Variants in SDK2 observed in about 807,000 individuals in gnomAD.
The protein encoded by SDK2 is protein sidekick-2.
Under a neutral mutation model 253.9 loss-of-function variants are expected in SDK2, and 105 were observed. That is an observed-to-expected ratio of 0.41 (90% CI 0.35 to 0.49). The LOEUF (loss-of-function observed/expected upper bound fraction) is 0.49, where lower values mean the gene tolerates loss of function less well. Among genes scored for constraint, SDK2 ranks in the 20% least tolerant of loss-of-function variants. SDK2 has a pLI of 0.06. For synonymous variants in SDK2, 1,249 were observed against 1,234.9 expected, an observed-to-expected ratio of 1.01 and a Z score of -0.24; for missense variants, 2,608 against 3,003.0, an observed-to-expected ratio of 0.87 and a Z score of 3.07.
At chr17:73,385,761 A>G in intron 32 of SDK2, 86 bp downstream of exon 32, 5 of 1,277,634 alleles carry the variant, frequency 3.9e-6, no homozygotes, top group Non-Finnish European at 5.6e-6. Flanking sequence ...GGCTCCACGC[A>G]GCCCTGGTGG....
At position 73,352,956 on chromosome 17, in the gene SDK2, G is replaced by A. The variant is rs376088232; in HGVS notation, c.5594-319C>T. Among the ~76,000 whole-genome samples, 52 of 152,272 alleles carry A rather than the reference G, an allele frequency of 3.4e-4. 1 individual carries two copies. The South Asian group carries it at 0.01, about 30-fold the overall frequency. On this transcript the variant is annotated intron_variant, in intron 40 of 44. Transcript: ENST00000392650. This position sits in a 1 kb window ranked among gnomAD's most constrained non-coding sequence, Gnocchi z 4.1. ...AAAATACAAAAATTAGTCTGGTGTG[G>A]TGGCACATGCCTGTAATCCCAGCTA...
chr17:73,455,874 C>A lies in SDK2; in HGVS notation c.479+32G>T, dbSNP rs1396018159. The A allele has an allele frequency of 1.3e-6, 2 of 1,516,378 alleles. No homozygotes were observed. The highest frequency in any genetic ancestry group is 8.8e-7 in the Non-Finnish European group (1 of 1,132,634). The allele number at this position is 1,516,378 out of a possible 1,614,324, so 93.9% of individuals were successfully genotyped here. A position where few individuals can be genotyped will look rare whatever the true frequency, so the allele number is the denominator to read the frequency against. On this transcript the variant is annotated intron_variant, in intron 4 of 44. Coordinates refer to ENST00000392650, the MANE Select transcript of SDK2 (RefSeq NM_001144952.2). The surrounding 1 kb of genome is among the most constrained non-coding windows in gnomAD (Gnocchi z 5.0). ...AAACCTCCTCCCCCAGACACCCCTCCCCTCCCCGTCCCCTCAGAGCGATGC... is the reference window on the plus strand; with the variant it reads ...AAACCTCCTCCCCCAGACACCCCTCACCTCCCCGTCCCCTCAGAGCGATGC...
At chr17:73,554,853 T>G (rs1474827779) in intron 1 of SDK2, among the ~76,000 whole-genome samples, 1 of 152,252 alleles carries the variant, frequency 6.6e-6, no homozygotes, top group African/African-American at 2.4e-5. Flanking sequence ...ATTTATGGGT[T>G]GTTCTGTAAA....
chr17:73,388,107 G>C, intron 29 of SDK2, 70 bp from the exon 30 acceptor site: 1 of 1,111,306 alleles, frequency 9.0e-7, no homozygotes, highest in South Asian at 1.4e-5. Flanking sequence ...GGACTTTCTC[G>C]AGGGAGGAAA....
At chr17:73,399,020 A>G in intron 22 of SDK2, 148 bp downstream of exon 22, 1 of 753,720 alleles carries the variant, frequency 1.3e-6, no homozygotes, top group Non-Finnish European at 2.2e-6. Flanking sequence ...TGGAGACAAC[A>G]TTGGCAAGTG....
Position 73,643,961 on chromosome 17 carries a change from GCCGCCCCTCCC to G in SDK2, c.64+53_64+63del. 1 of 514,826 alleles carries G rather than the reference GCCGCCCCTCCC, an allele frequency of 1.9e-6. No homozygotes were observed. The highest frequency in any genetic ancestry group is 3.8e-6 in the Non-Finnish European group (1 of 262,942). 31.9% of individuals were successfully genotyped at this position (514,826 alleles called of 1,614,324 possible). A position where few individuals can be genotyped will look rare whatever the true frequency, so the allele number is the denominator to read the frequency against. On this transcript the variant is annotated intron_variant, in intron 1 of 44. Coordinates refer to ENST00000392650, the MANE Select transcript of SDK2 (RefSeq NM_001144952.2). This position sits in a 1 kb window ranked among gnomAD's most constrained non-coding sequence, Gnocchi z 6.9. ...GTCACCGTGAGGCCGGCCAGCTCCC[GCCGCCCCTCCC>G]CCGCCCACTCTCCCAGCCCCCTCCC... is the stretch of plus-strand genomic sequence containing the variant.
At chr17:73,535,243 T>G (rs898617735) in intron 1 of SDK2, among the ~76,000 whole-genome samples, 2 of 152,130 alleles carry the variant, frequency 1.3e-5, no homozygotes, top group Admixed American at 6.5e-5. Flanking sequence ...ACTATGGGAG[T>G]CACAGCCACT....
intron 2 of SDK2, among the ~76,000 whole-genome samples, chr17:73,506,133 C>T (rs1048250454): frequency 6.6e-6 from 1 of 152,262 alleles, no homozygotes; most frequent in African/African-American, 2.4e-5. Context: ...TGGTCACCCA[C>T]TTGAGCGTGT....
chr17:73,358,161 G>A lies in SDK2; in HGVS notation c.5511C>T (p.Ser1837=). Reference sequence around the variant, plus strand: ...TGGACCAGTGAATGGCGATGGCAGAGCTGTACCGCACGATGATGGGCACGC... The same window carrying A: ...TGGACCAGTGAATGGCGATGGCAGAACTGTACCGCACGATGATGGGCACGC... ...PPGVPIIVRY[S]SAIAIHWSSG... The change falls in exon 40 of 45, where the codon AGC becomes AGT. Residue 1837 remains serine, a synonymous_variant. Transcript: ENST00000392650. 5.6e-6 allele frequency: 9 copies of A among 1,612,568 alleles called. No individual in the cohort carries two copies. The highest frequency in any genetic ancestry group is 7.6e-6 in the Non-Finnish European group (9 of 1,179,536).
chr17:73,547,512 C>T (rs1053089494), intron 1 of SDK2, among the ~76,000 whole-genome samples: 2 of 152,182 alleles, frequency 1.3e-5, no homozygotes, highest in South Asian at 4.1e-4. Context: ...AGGAAGCCAC[C>T]GAAGGGTACA....
intron 1 of SDK2, among the ~76,000 whole-genome samples, chr17:73,594,906 A>G (rs1464263839): frequency 6.6e-6 from 1 of 152,034 alleles, no homozygotes; most frequent in Non-Finnish European, 1.5e-5. Flanking sequence ...ATATACAAAT[A>G]CACACAGCAC....
In SDK2 at chr17:73,338,529, G is replaced by A; in HGVS notation, c.*58C>T. ...TTTTGTTTTCTGGCAGGCAGTGAGA[G>A]GAGGGGTGAAGGAGGAGTTTGGTGC... On this transcript the variant is annotated 3_prime_UTR_variant, in exon 45 of 45. Coordinates refer to ENST00000392650, the MANE Select transcript of SDK2 (RefSeq NM_001144952.2). This position sits in a 1 kb window ranked among gnomAD's most constrained non-coding sequence, Gnocchi z 5.0. 9.8e-7 allele frequency: 1 copy of A among 1,020,156 alleles called. No individual in the cohort carries two copies. The highest frequency in any genetic ancestry group is 1.4e-6 in the Non-Finnish European group (1 of 693,948). 63.2% of individuals were successfully genotyped at this position (1,020,156 alleles called of 1,614,324 possible).
chr17:73,492,485 C>G (rs954572107), intron 2 of SDK2, among the ~76,000 whole-genome samples: 1 of 152,134 alleles, frequency 6.6e-6, no homozygotes, highest in Non-Finnish European at 1.5e-5. Context: ...GCAGAAAGAA[C>G]AGCCTCTTCC....
rs2046091896 is a variant in SDK2, at chr17:73,618,805, G to A, written c.64+25220C>T. Among the ~76,000 whole-genome samples, 1 of 152,182 alleles carries A rather than the reference G, an allele frequency of 6.6e-6. No individual in the cohort carries two copies. Among genetic ancestry groups the A allele is most frequent in the African/African-American group, 2.4e-5 (1 of 41,446 alleles). Reference sequence around the variant, plus strand: ...TGGAGGGTCTGTGTCTGGCACAGCAGAGCAAATGCCTACCAGAGCACAAAA... The same window carrying A: ...TGGAGGGTCTGTGTCTGGCACAGCAAAGCAAATGCCTACCAGAGCACAAAA... On this transcript the variant is annotated intron_variant, in intron 1 of 44. Coordinates refer to ENST00000392650, the MANE Select transcript of SDK2 (RefSeq NM_001144952.2). This position sits in a 1 kb window ranked among gnomAD's most constrained non-coding sequence, Gnocchi z 4.1.
intron 18 of SDK2, 89 bp downstream of exon 18, chr17:73,414,555 G>T: frequency 1.0e-6 from 1 of 964,078 alleles, no homozygotes; most frequent in Non-Finnish European, 1.6e-6. Flanking sequence ...AACAGAGGGG[G>T]GATTTCCTCC....
intron 44 of SDK2, among the ~76,000 whole-genome samples, chr17:73,343,651 G>T (rs750664776): frequency 3.9e-5 from 6 of 152,200 alleles, no homozygotes; most frequent in African/African-American, 7.2e-5. Context: ...CTGCGGAGGG[G>T]GAGCACAGAC....
At chr17:73,464,774 T>C (rs2063586121) in intron 3 of SDK2, among the ~76,000 whole-genome samples, 1 of 152,144 alleles carries the variant, frequency 6.6e-6, no homozygotes, top group African/African-American at 2.4e-5. Context: ...CCCTCCACCA[T>C]CATATCAAAT....
chr17:73,376,160 C>T (rs1327836311), intron 36 of SDK2, among the ~76,000 whole-genome samples: 2 of 151,154 alleles, frequency 1.3e-5, no homozygotes, highest in Non-Finnish European at 2.9e-5. Context: ...CACCACTGCA[C>T]TTCAGCCTGG....
intron 1 of SDK2, among the ~76,000 whole-genome samples, chr17:73,588,224 C>T (rs1204237668): frequency 6.9e-6 from 1 of 144,660 alleles, no homozygotes; most frequent in Non-Finnish European, 1.5e-5. Flanking sequence ...GCCATCTCTA[C>T]TAAAAATACA....
Sources: allele counts gnomAD v4.1 joint callset (sites outside exome capture counted in the v4.1 genomes callset), GRCh38; gene constraint gnomAD v4.1.1; non-coding constraint Gnocchi (gnomAD v3.1); transcripts MANE v1.5; gene names NCBI Gene and HGNC (gene_info 2026-07-23, HGNC 2026-07-21).